The following SEC31A variants were observed in gnomAD, a reference collection of about 807,000 sequenced individuals.
SEC31A encodes protein transport protein Sec31A.
In SEC31A, 70 loss-of-function variants were observed where a neutral mutation model predicts 151.0. The ratio of observed to expected loss-of-function variants is 0.46; its 90% CI spans 0.38 to 0.57. The LOEUF is 0.57. Ranked by LOEUF, SEC31A falls within the 20% of genes least tolerant of loss-of-function variation. The probability of loss-of-function intolerance (pLI) is 0.00; values close to 1 mark genes in which losing one functional copy is unlikely to be tolerated. For synonymous variants in SEC31A, 475 were observed against 505.9 expected (o/e 0.94, Z 0.82); for missense variants, 1,330 against 1,471.2 (o/e 0.90, Z 1.57).
intron 22 of SEC31A, among the ~76,000 whole-genome samples, chr4:82,832,377 CCCCTT>C (rs1303231545): frequency 3.3e-5 from 5 of 152,092 alleles, no homozygotes; most frequent in Non-Finnish European, 5.9e-5. Context: ...TGAAACTGGA[CCCCTT>C]CCTTACACCC....
At chr4:82,849,008 T>C (rs767081772) in intron 19 of SEC31A, 31 bp from the exon 20 acceptor site, 7 of 1,597,446 alleles carry the variant, frequency 4.4e-6, no homozygotes, top group Admixed American at 1.7e-5. Flanking sequence ...AGCAGACTGT[T>C]GAGAGTTCAC....
At chr4:82,874,900 T>C (rs1737563001) in intron 5 of SEC31A, 149 bp from the exon 6 acceptor site, 1 of 776,866 alleles carries the variant, frequency 1.3e-6, no homozygotes, top group African/African-American at 1.8e-5. Context: ...CCTACATCTC[T>C]ACATTCTCAA....
chr4:82,851,547 C>T lies in SEC31A; in HGVS notation c.2212G>A (p.Asp738Asn). ...AAGAGAACTCCTACAGTACTAGTGT[C>T]CATGGCTTGAGTGAGTTGCACAGCT... ...RKAVQLTQAM[D>N]TSTVGVLLAA... Residue 738 changes from aspartate to asparagine, a missense_variant, in exon 19 of 27, where the codon GAC becomes AAC. Asp to Asn is a conservative substitution (Grantham distance 23). Transcript: ENST00000395310. The T allele has an allele frequency of 6.2e-7, 1 of 1,613,376 alleles. No homozygotes were observed. The highest frequency in any genetic ancestry group is 8.5e-7 in the Non-Finnish European group (1 of 1,179,540).
chr4:82,857,436 G>A (rs1339419436), intron 15 of SEC31A, among the ~76,000 whole-genome samples: 1 of 152,120 alleles, frequency 6.6e-6, no homozygotes, highest in African/African-American at 2.4e-5. Context: ...CTGTACTAAA[G>A]GAAAAGTGAG....
At chr4:82,850,114 CAA>C (rs5859838) in intron 19 of SEC31A, among the ~76,000 whole-genome samples, 18 of 126,068 alleles carry the variant, frequency 1.4e-4, no homozygotes, top group East Asian at 6.4e-4. Flanking sequence ...CTTTAAAGTC[CAA>C]AAAAAAAAAA....
chr4:82,882,271 C>T (rs1008252830), intron 1 of SEC31A, among the ~76,000 whole-genome samples: 5 of 151,792 alleles, frequency 3.3e-5, no homozygotes, highest in Admixed American at 6.6e-5. Context: ...GGCGTGGTGG[C>T]GGGCACCTGT....
chr4:82,845,458 C>CAAAA (rs1182049907), intron 20 of SEC31A, among the ~76,000 whole-genome samples: 2 of 140,382 alleles, frequency 1.4e-5, no homozygotes, highest in Non-Finnish European at 1.6e-5. Context: ...CTGGAATTCC[C>CAAAA]AAAAAAACAA....
intron 8 of SEC31A, 56 bp downstream of exon 8, chr4:82,870,269 G>A (rs1736349191): frequency 7.4e-7 from 1 of 1,357,102 alleles, no homozygotes; most frequent in Non-Finnish European, 1.0e-6. Flanking sequence ...TTCTTATGTA[G>A]CCAGAAGTAA....
chr4:82,843,281 G>A (rs1729327593), intron 21 of SEC31A, among the ~76,000 whole-genome samples: 1 of 151,836 alleles, frequency 6.6e-6, no homozygotes, highest in Non-Finnish European at 1.5e-5. Flanking sequence ...CAGGCTATAG[G>A]TGCCACCACA....
intron 1 of SEC31A, chr4:82,890,855 G>T (rs1719569132): frequency 7.4e-7 from 1 of 1,352,754 alleles, no homozygotes; most frequent in African/African-American, 1.5e-5. Flanking sequence ...GGTGGCTTTT[G>T]CTCAGCAGTG....
At chr4:82,877,707 T>C (rs1304720656) in intron 4 of SEC31A, 1 of 152,138 alleles carries the variant, frequency 6.6e-6, no homozygotes, top group African/African-American at 2.4e-5. Flanking sequence ...CATTTCTTTT[T>C]TCTTTTTTTG....
In SEC31A at chr4:82,871,963, C is replaced by A. The variant is rs748535839; in HGVS notation, c.763G>T (p.Val255Phe). 80 of 1,613,994 alleles carry A rather than the reference C, an allele frequency of 5.0e-5. No homozygotes were observed. Among genetic ancestry groups the A allele is most frequent in the Non-Finnish European group, 6.3e-5 (74 of 1,180,024 alleles). ...CGATACCTGGCATGGTTTTCCAGGACACGAAGTGGAGAGGAAGCAAATCGA... is the reference window on the plus strand; with the variant it reads ...CGATACCTGGCATGGTTTTCCAGGAAACGAAGTGGAGAGGAAGCAAATCGA... Reference protein sequence around the residue: ...DLRFASSPLRVLENHARGILA... With the variant: ...DLRFASSPLRFLENHARGILA... Residue 255 changes from valine (V) to phenylalanine (F), a missense_variant, in exon 7 of 27, where the codon GTC becomes TTC. Physicochemically the swap from Val to Phe is conservative, Grantham distance 50. Transcript: ENST00000395310.
chr4:82,877,813 T>G (rs1192727318), intron 4 of SEC31A: 1 of 152,184 alleles, frequency 6.6e-6, no homozygotes, highest in Admixed American at 6.5e-5. Flanking sequence ...TGCCTCAGAC[T>G]CCCGAATAGC....
At chr4:82,874,855 T>C in intron 5 of SEC31A, 104 bp from the exon 6 acceptor site, 2 of 1,372,960 alleles carry the variant, frequency 1.5e-6, no homozygotes, top group South Asian at 2.6e-5. Context: ...TACTTAAAAA[T>C]CTGATCCATT....
At chr4:82,836,901 A>G (rs1727441716) in intron 22 of SEC31A, among the ~76,000 whole-genome samples, 1 of 151,926 alleles carries the variant, frequency 6.6e-6, no homozygotes, top group Non-Finnish European at 1.5e-5. Context: ...GTACTCCTTT[A>G]GTTACTTTTA....
At chr4:82,833,153 C>T (rs1726363119) in intron 22 of SEC31A, among the ~76,000 whole-genome samples, 1 of 152,154 alleles carries the variant, frequency 6.6e-6, no homozygotes, top group African/African-American at 2.4e-5. Context: ...TTGGAACCAA[C>T]CCAAATGTCC....
At chr4:82,831,796 G>T (rs1726023216) in intron 22 of SEC31A, among the ~76,000 whole-genome samples, 1 of 152,118 alleles carries the variant, frequency 6.6e-6, no homozygotes, top group South Asian at 2.1e-4. Context: ...ATTTATGAGT[G>T]AACTCCCATT....
chr4:82,864,501 A>G lies in SEC31A; in HGVS notation c.1295T>C (p.Val432Ala). Residue 432 changes from valine to alanine, a missense_variant, in exon 11 of 27, where the codon GTT becomes GCT. Transcript: ENST00000395310. Reference protein sequence around the residue: ...QQQHHVFISQVVTEKEFLSRS... With the variant: ...QQQHHVFISQAVTEKEFLSRS... ...GCTGAGGAACTCCTTTTCTGTTACA[A>G]CCTGACTAATGAACACATGGTGCTG... is the stretch of plus-strand genomic sequence containing the variant. 6.2e-7 allele frequency: 1 copy of G among 1,614,124 alleles called. No individual in the cohort carries two copies.
In SEC31A at chr4:82,826,483, A is replaced by G. The variant is rs1269186787; in HGVS notation, c.3291+886T>C. ...ATTCTCCTGCCTCAGCCTCCCGAGT[A>G]GCTGGGACTACAGGCGCCGCCACCA... On this transcript the variant is annotated intron_variant, in intron 24 of 26. Transcript: ENST00000395310. 2.0e-5 allele frequency among the ~76,000 whole-genome samples: 3 copies of G among 152,188 alleles called. No individual in the cohort carries two copies. The East Asian group carries it at 5.8e-4, about 29-fold the overall frequency.
Sources: gnomAD v4.1 joint callset for allele counts (sites outside exome capture counted in the v4.1 genomes callset) on GRCh38, gnomAD v4.1.1 for gene constraint, MANE v1.5 for transcripts, NCBI Gene and HGNC (gene_info 2026-07-23, HGNC 2026-07-21) for gene names.